The following PRKN variants were observed in gnomAD, a reference collection of about 807,000 sequenced individuals.
PRKN encodes E3 ubiquitin-protein ligase parkin.
A neutral mutation model predicts 59.5 loss-of-function variants in PRKN; 56 were observed. The observed-to-expected ratio is 0.94, with a 90% CI of 0.76 to 1.18. The LOEUF is 1.18. Ranked by LOEUF, PRKN falls within the 50% of genes most tolerant of loss-of-function variation. The probability of loss-of-function intolerance (pLI) is 0.00; values close to 1 mark genes in which losing one functional copy is unlikely to be tolerated. For missense variants in PRKN, 657 were observed against 596.4 expected (o/e 1.10, Z -1.06); for synonymous variants, 250 against 222.1 (o/e 1.13, Z -1.12).
At chr6:162,051,628 C>A (rs548838597) in intron 5 of PRKN, among the ~76,000 whole-genome samples, 1 of 152,136 alleles carries the variant, frequency 6.6e-6, no homozygotes, top group Non-Finnish European at 1.5e-5. Flanking sequence ...AGTTGTGAGG[C>A]CTTCGGGGGC....
At chr6:161,831,247 A>G (rs1324493215) in intron 6 of PRKN, among the ~76,000 whole-genome samples, 1 of 152,214 alleles carries the variant, frequency 6.6e-6, no homozygotes, top group Non-Finnish European at 1.5e-5. Flanking sequence ...ACACAATGAA[A>G]TAAAAATAAA....
At chr6:162,216,536 C>CAAA (rs35025497) in intron 3 of PRKN, among the ~76,000 whole-genome samples, 1,098 of 34,876 alleles carry the variant, frequency 0.031, 82 homozygotes, top group African/African-American at 0.078. Context: ...GACTCCGTCT[C>CAAA]AAAAAAAAAA....
At chr6:162,463,659 A>G (rs1450398143) in intron 1 of PRKN, among the ~76,000 whole-genome samples, 3 of 152,186 alleles carry the variant, frequency 2.0e-5, no homozygotes, top group Non-Finnish European at 2.9e-5. Flanking sequence ...TGGGGCAAGT[A>G]ATAAACTATC....
At chr6:162,113,226 C>T (rs549939690) in intron 4 of PRKN, among the ~76,000 whole-genome samples, 13 of 152,200 alleles carry the variant, frequency 8.5e-5, no homozygotes, top group South Asian at 2.1e-4. Context: ...AGAAAAGACC[C>T]GATCTAAAAG....
intron 4 of PRKN, among the ~76,000 whole-genome samples, chr6:162,105,031 C>T (rs1023914763): frequency 2.6e-5 from 4 of 152,146 alleles, no homozygotes; most frequent in South Asian, 2.1e-4. Context: ...GCATAGCTTA[C>T]GTATCTGTGG....
intron 6 of PRKN, among the ~76,000 whole-genome samples, chr6:161,931,951 G>A (rs1199830140): frequency 2.0e-5 from 3 of 152,106 alleles, no homozygotes; most frequent in East Asian, 1.9e-4. Flanking sequence ...TTCATCCATC[G>A]AAGGCAATGC....
At chr6:161,571,781 T>A (rs911162626) in intron 7 of PRKN, among the ~76,000 whole-genome samples, 1 of 152,092 alleles carries the variant, frequency 6.6e-6, no homozygotes, top group African/African-American at 2.4e-5. Context: ...GGCATCTGAG[T>A]CTGTGGACCA....
intron 6 of PRKN, 27 bp downstream of exon 6, chr6:161,973,275 G>C: frequency 7.1e-7 from 1 of 1,405,988 alleles, no homozygotes; most frequent in Non-Finnish European, 1.0e-6. Flanking sequence ...TCCGTGGAGG[G>C]AAGTGACACT....
chr6:162,454,993 T>C (rs572139429), intron 1 of PRKN, among the ~76,000 whole-genome samples: 61 of 152,264 alleles, frequency 4.0e-4, no homozygotes, highest in African/African-American at 1.4e-3. Flanking sequence ...AGCACGTGGG[T>C]TGAGTTAGGC....
chr6:162,386,839 T>G (rs1786849493), intron 2 of PRKN, among the ~76,000 whole-genome samples: 1 of 152,216 alleles, frequency 6.6e-6, no homozygotes, highest in African/African-American at 2.4e-5. Flanking sequence ...AATCTAAACC[T>G]TTTTTGCAGG....
rs957603975 is a variant in PRKN at position 161,608,723 on chromosome 6, A to G, written c.872-39307T>C. Among the ~76,000 whole-genome samples the G allele has an allele frequency of 3.3e-5, 5 of 151,026 alleles. No individual in the cohort carries two copies. In the East Asian group the frequency reaches 7.8e-4, roughly 24 times the overall value. ...AATTTTTTTTTTTTTAATTTTTAGT[A>G]GAGATGGGGTTTCACCATGTGGGCC... On this transcript the variant is annotated intron_variant, in intron 7 of 11. Transcript: ENST00000366898.
In PRKN at chr6:161,593,154, T is replaced by A. The variant is rs1189499005; in HGVS notation, c.872-23738A>T. Among the ~76,000 whole-genome samples, 1 of 152,142 alleles carries A rather than the reference T, an allele frequency of 6.6e-6. No individual in the cohort carries two copies. The highest frequency in any genetic ancestry group is 2.4e-5 in the African/African-American group (1 of 41,422). On this transcript the variant is annotated intron_variant, in intron 7 of 11. Transcript: ENST00000366898. This position sits in a 1 kb window ranked among gnomAD's most constrained non-coding sequence, Gnocchi z 4.8. ...AAAGGTGATCTGTCCCCTTACTGTA[T>A]AGAAAATAATTACGAACTAATAATA...
intron 9 of PRKN, among the ~76,000 whole-genome samples, chr6:161,516,057 A>G (rs917426673): frequency 1.3e-5 from 2 of 152,198 alleles, no homozygotes; most frequent in African/African-American, 4.8e-5. Flanking sequence ...AAGCTTCATT[A>G]TGGTACTGCT....
intron 6 of PRKN, among the ~76,000 whole-genome samples, chr6:161,835,323 G>A (rs1425263188): frequency 6.6e-6 from 1 of 152,032 alleles, no homozygotes; most frequent in African/African-American, 2.4e-5. Context: ...GGGCTTCCTG[G>A]GGCAGGGAAA....
At chr6:162,565,493 A>G (rs917076565) in intron 1 of PRKN, among the ~76,000 whole-genome samples, 1 of 152,034 alleles carries the variant, frequency 6.6e-6, no homozygotes, top group African/African-American at 2.4e-5. Context: ...AGTTGGAGAC[A>G]AGCCTGGCAA....
chr6:161,852,610 A>G (rs1793486015), intron 6 of PRKN, among the ~76,000 whole-genome samples: 1 of 152,204 alleles, frequency 6.6e-6, no homozygotes, highest in Non-Finnish European at 1.5e-5. Flanking sequence ...CAACAAGACC[A>G]ATGATCTGCT....
chr6:161,445,407 T>G lies in PRKN; in HGVS notation c.1084-58530A>C, dbSNP rs991029643. Among the ~76,000 whole-genome samples, 6 of 152,096 alleles carry G rather than the reference T, an allele frequency of 3.9e-5. No homozygotes were observed. Among genetic ancestry groups the G allele is most frequent in the Non-Finnish European group, 7.4e-5 (5 of 68,008 alleles). ...CACCGAGTCAAGCAGCGTAGATTGA[T>G]CAGAGGAGCTGAGAGCTGAGGCCCA... On this transcript the variant is annotated intron_variant, in intron 9 of 11. Transcript: ENST00000366898. This position sits in a 1 kb window ranked among gnomAD's most constrained non-coding sequence, Gnocchi z 7.7.
intron 5 of PRKN, among the ~76,000 whole-genome samples, chr6:162,004,304 T>C (rs1017189923): frequency 3.3e-5 from 5 of 152,196 alleles, no homozygotes; most frequent in Admixed American, 3.3e-4. Flanking sequence ...ACACCTCACT[T>C]TCCCTTTGTC....
intron 6 of PRKN, among the ~76,000 whole-genome samples, chr6:161,868,969 C>T (rs1291275314): frequency 6.6e-6 from 1 of 152,044 alleles, no homozygotes; most frequent in African/African-American, 2.4e-5. Context: ...CCAGCACAGG[C>T]CCTATAAATG....
Sources: allele counts gnomAD v4.1 joint callset (sites outside exome capture counted in the v4.1 genomes callset), GRCh38; gene constraint gnomAD v4.1.1; non-coding constraint Gnocchi (gnomAD v3.1); transcripts MANE v1.5; gene names NCBI Gene and HGNC (gene_info 2026-07-23, HGNC 2026-07-21).